Variants in PKHD1L1 observed in about 807,000 individuals in gnomAD.
PKHD1L1 encodes fibrocystin-L.
A neutral mutation model predicts 462.9 loss-of-function variants in PKHD1L1; 434 were observed. The observed-to-expected ratio is 0.94, with a 90% CI of 0.87 to 1.02. The LOEUF (loss-of-function observed/expected upper bound fraction) is 1.02. Ranked by LOEUF, PKHD1L1 falls within the 50% of genes least tolerant of loss-of-function variation. The probability of loss-of-function intolerance (pLI) is 0.00; values close to 1 mark genes in which losing one functional copy is unlikely to be tolerated. For missense variants in PKHD1L1, 5,202 were observed against 5,096.1 expected (o/e 1.02, Z -0.63); for synonymous variants, 1,781 against 1,750.0 (o/e 1.02, Z -0.44).
At chr8:109,516,722 T>C (rs1307976979) in intron 72 of PKHD1L1, among the ~76,000 whole-genome samples, 1 of 152,140 alleles carries the variant, frequency 6.6e-6, no homozygotes, top group East Asian at 1.9e-4. Flanking sequence ...AGTTGTGTCA[T>C]GAATAAAATG....
At chr8:109,428,649 G>T (rs1814911976) in intron 25 of PKHD1L1, among the ~76,000 whole-genome samples, 1 of 152,120 alleles carries the variant, frequency 6.6e-6, no homozygotes, top group South Asian at 2.1e-4. Flanking sequence ...CTCTGCTGGT[G>T]TCTGTGCATC....
At chr8:109,454,989 C>A in intron 45 of PKHD1L1, 137 bp downstream of exon 45, 1 of 1,150,762 alleles carries the variant, frequency 8.7e-7, no homozygotes, top group Non-Finnish European at 1.2e-6. Flanking sequence ...TTAGATATCC[C>A]CTCTTTACCC....
intron 27 of PKHD1L1, among the ~76,000 whole-genome samples, chr8:109,431,241 A>G (rs1034395507): frequency 6.6e-6 from 1 of 152,176 alleles, no homozygotes; most frequent in Admixed American, 6.5e-5. Context: ...CAATATAACA[A>G]TCTGAATTGT....
rs778263484 is a variant in PKHD1L1 at position 109,440,689 on chromosome 8, T to C, written c.3957-21T>C. The stretch of plus-strand genomic sequence containing the variant: ...AATCAGTAGGAAGCTCATTGAAAAA[T>C]CTATTCATTTTTTTTCTCAGAGACA... On this transcript the variant is annotated intron_variant, in intron 32 of 77. Coordinates refer to ENST00000378402, the MANE Select transcript of PKHD1L1 (RefSeq NM_177531.6). The C allele has an allele frequency of 8.8e-6, 14 of 1,598,892 alleles. No individual in the cohort carries two copies. In the South Asian group the frequency reaches 1.3e-4, roughly 15 times the overall value.
At chr8:109,461,113 C>A (rs1817095983) in intron 47 of PKHD1L1, among the ~76,000 whole-genome samples, 1 of 152,158 alleles carries the variant, frequency 6.6e-6, no homozygotes, top group Non-Finnish European at 1.5e-5. Flanking sequence ...TAGCAGGAAG[C>A]AGAATGCATC....
intron 70 of PKHD1L1, 47 bp from the exon 71 acceptor site, chr8:109,510,730 A>C: frequency 1.9e-6 from 3 of 1,540,758 alleles, no homozygotes; most frequent in Non-Finnish European, 2.6e-6. Context: ...TTATACTAAT[A>C]AAATGTATGA....
intron 6 of PKHD1L1, among the ~76,000 whole-genome samples, chr8:109,387,870 C>G (rs958429678): frequency 6.6e-6 from 1 of 152,156 alleles, no homozygotes; most frequent in Non-Finnish European, 1.5e-5. Context: ...GAATCTAACA[C>G]CAATCAGTCA....
intron 40 of PKHD1L1, 62 bp from the exon 41 acceptor site, chr8:109,450,913 G>A: frequency 2.0e-6 from 3 of 1,472,670 alleles, no homozygotes; most frequent in South Asian, 1.3e-5. Flanking sequence ...ATGTTTGGAG[G>A]TTTTGGAAAT....
intron 56 of PKHD1L1, among the ~76,000 whole-genome samples, chr8:109,482,270 T>C (rs751081483): frequency 3.3e-5 from 5 of 151,826 alleles, no homozygotes; most frequent in Non-Finnish European, 7.4e-5. Context: ...TTGCTTGAGA[T>C]TGAATTAGCT....
At chr8:109,415,287 T>G (rs1366633597) in intron 21 of PKHD1L1, among the ~76,000 whole-genome samples, 2 of 152,056 alleles carry the variant, frequency 1.3e-5, no homozygotes, top group African/African-American at 4.8e-5. Context: ...ATTACAGGCA[T>G]GAGACACCAT....
At chr8:109,401,749 T>C (rs1311315467) in intron 14 of PKHD1L1, among the ~76,000 whole-genome samples, 161 bp downstream of exon 14, 1 of 152,196 alleles carries the variant, frequency 6.6e-6, no homozygotes, top group Non-Finnish European at 1.5e-5. Context: ...AATGTGTTTC[T>C]TGATTTTCAA....
At chr8:109,443,212 C>T (rs1815915074) in intron 36 of PKHD1L1, 96 bp downstream of exon 36, 1 of 1,191,036 alleles carries the variant, frequency 8.4e-7, no homozygotes, top group African/African-American at 1.5e-5. Flanking sequence ...TCTAACTGTG[C>T]TTCTATCTTA....
chr8:109,504,919 G>A lies in PKHD1L1; in HGVS notation c.10994+427G>A, dbSNP rs1819616155. Among the ~76,000 whole-genome samples the A allele has an allele frequency of 2.6e-5, 4 of 151,906 alleles. No homozygotes were observed. In the South Asian group the frequency reaches 8.3e-4, roughly 32 times the overall value. Reference sequence around the variant, plus strand: ...CCTGGAAAATAACTCTGCCACTCAGGCTGGAGTGCGATGGTGCTATCATGG... The same window carrying A: ...CCTGGAAAATAACTCTGCCACTCAGACTGGAGTGCGATGGTGCTATCATGG... On this transcript the variant is annotated intron_variant, in intron 68 of 77. Transcript: ENST00000378402.
chr8:109,517,500 T>C (rs1820332367), intron 72 of PKHD1L1, among the ~76,000 whole-genome samples: 1 of 152,138 alleles, frequency 6.6e-6, no homozygotes, highest in Non-Finnish European at 1.5e-5. Flanking sequence ...CTCTTAGAAA[T>C]TGTTGATACT....
At chr8:109,382,922 G>A (rs531540398) in intron 4 of PKHD1L1, among the ~76,000 whole-genome samples, 2 of 148,372 alleles carry the variant, frequency 1.3e-5, no homozygotes, top group Non-Finnish European at 3.0e-5. Flanking sequence ...AATTTCTAAC[G>A]TAATGAGATA....
chr8:109,378,907 C>T (rs951932458), intron 2 of PKHD1L1, among the ~76,000 whole-genome samples: 2 of 152,142 alleles, frequency 1.3e-5, no homozygotes, highest in African/African-American at 2.4e-5. Flanking sequence ...ATCTATGTGT[C>T]TCAACTTAAC....
At chr8:109,477,534 C>A (rs1818054304) in intron 53 of PKHD1L1, 138 bp downstream of exon 53, 2 of 784,886 alleles carry the variant, frequency 2.5e-6, no homozygotes, top group Non-Finnish European at 3.6e-6. Context: ...ACATTCACTG[C>A]TTTGCTTGAG....
chr8:109,470,577 G>A, intron 50 of PKHD1L1: 1 of 1,594,610 alleles, frequency 6.3e-7, no homozygotes, highest in Non-Finnish European at 8.6e-7. Context: ...TTAGTTCCCA[G>A]CATGAGCCTA....
chr8:109,460,529 CT>C (rs1257901315), intron 47 of PKHD1L1, among the ~76,000 whole-genome samples: 1 of 152,124 alleles, frequency 6.6e-6, no homozygotes. Context: ...AGATAATTCT[CT>C]GCTGTGGGGC....
Sources: gnomAD v4.1 joint callset for allele counts (sites outside exome capture counted in the v4.1 genomes callset) on GRCh38, gnomAD v4.1.1 for gene constraint, MANE v1.5 for transcripts, NCBI Gene and HGNC (gene_info 2026-07-23, HGNC 2026-07-21) for gene names.